The following CREB3L1 variants were observed in gnomAD, a reference collection of about 807,000 sequenced individuals.
CREB3L1 encodes cAMP responsive element binding protein 3 like 1, also known as cyclic AMP-responsive element-binding protein 3-like protein 1.
In CREB3L1, 33 loss-of-function variants were observed where a neutral mutation model predicts 54.5. That is an observed-to-expected ratio of 0.61 (90% confidence interval 0.46 to 0.81). CREB3L1 has a LOEUF of 0.81. CREB3L1 is among the 30% of genes least tolerant of loss of function. The pLI, the probability that CREB3L1 is intolerant of heterozygous loss-of-function variation, is 0.00. For missense variants in CREB3L1, 656 were observed against 673.3 expected, an observed-to-expected ratio of 0.97 and a Z score of 0.29; for synonymous variants, 284 against 286.4, an observed-to-expected ratio of 0.99 and a Z score of 0.08.
chr11:46,299,684 C>G lies in CREB3L1; in HGVS notation c.103-251C>G, dbSNP rs11038856. 0.58 allele frequency among the ~76,000 whole-genome samples: 87,603 copies of G among 151,982 alleles called. 28,373 individuals carry two copies. The highest frequency in any genetic ancestry group is 0.89 in the African/African-American group (36,826 of 41,502). On this transcript the variant is annotated intron_variant, in intron 1 of 11. Coordinates refer to ENST00000621158, the MANE Select transcript of CREB3L1 (RefSeq NM_052854.4). The stretch of plus-strand genomic sequence containing the variant: ...CACCCTTGCAGATAACAATGGTGAG[C>G]GTGGAGCTGGTGGTAGAGAGAATGG...
At chr11:46,313,214 G>C (rs568480629) in intron 8 of CREB3L1, among the ~76,000 whole-genome samples, 5 of 152,060 alleles carry the variant, frequency 3.3e-5, no homozygotes, top group African/African-American at 4.8e-5. Flanking sequence ...GCTTATTCTC[G>C]GGCCCCATGC....
intron 1 of CREB3L1, among the ~76,000 whole-genome samples, chr11:46,279,340 G>T (rs1938933081): frequency 6.6e-6 from 1 of 152,090 alleles, no homozygotes; most frequent in South Asian, 2.1e-4. Flanking sequence ...TGATGGTGAG[G>T]AACCAGGCCA....
chr11:46,295,646 C>T lies in CREB3L1; in HGVS notation c.103-4289C>T, dbSNP rs1232747671. ...CCGGTGCCCTCCACGCCGCCACCGG[C>T]TGCTGCTCGCAGCCTCCCGCCATTG... On this transcript the variant is annotated intron_variant, in intron 1 of 11. Coordinates refer to ENST00000621158, the MANE Select transcript of CREB3L1 (RefSeq NM_052854.4). The surrounding 1 kb of genome is among the most constrained non-coding windows in gnomAD (Gnocchi z 4.6). 6.6e-6 allele frequency among the ~76,000 whole-genome samples: 1 copy of T among 152,236 alleles called. No homozygotes were observed. The highest frequency in any genetic ancestry group is 1.5e-5 in the Non-Finnish European group (1 of 68,024).
Position 46,277,691 on chromosome 11 carries a change from G to A in CREB3L1, c.-421G>A. The A allele has an allele frequency of 5.0e-6, 1 of 201,672 alleles. No individual in the cohort carries two copies. Among genetic ancestry groups the A allele is most frequent in the Middle Eastern group, 1.7e-3 (1 of 600 alleles). 12.5% of individuals were successfully genotyped at this position (201,672 alleles called of 1,614,324 possible). On this transcript the variant is annotated 5_prime_UTR_variant, in exon 1 of 12. Coordinates refer to ENST00000621158, the MANE Select transcript of CREB3L1 (RefSeq NM_052854.4). ...AGGAAAGTGACAGAAGACGTGCGGA[G>A]GGAGACGCAGAGACAGAGGAGAGGC... is the stretch of plus-strand genomic sequence containing the variant.
At chr11:46,298,095 G>A (rs941658226) in intron 1 of CREB3L1, among the ~76,000 whole-genome samples, 16 of 152,150 alleles carry the variant, frequency 1.1e-4, no homozygotes, top group South Asian at 2.1e-4. Flanking sequence ...GTGGAGCTAG[G>A]AGTCAAAAGC....
chr11:46,316,304 G>A lies in CREB3L1; in HGVS notation c.1050G>A (p.Leu350=), dbSNP rs1404927472. 1 of 1,568,716 alleles carries A rather than the reference G, an allele frequency of 6.4e-7. No homozygotes were observed. Among genetic ancestry groups the A allele is most frequent in the East Asian group, 2.4e-5 (1 of 41,996 alleles). Residue 350 remains leucine, a synonymous_variant, in exon 9 of 12, where the codon CTG becomes CTA. Transcript: ENST00000621158. ...TCCTCAGGACCCTGCTCCAGCAGCTGCAGAAACTCCAGACTCTGGTCACCA... is the reference window on the plus strand; with the variant it reads ...TCCTCAGGACCCTGCTCCAGCAGCTACAGAAACTCCAGACTCTGGTCACCA... ...ENANRTLLQQ[L]QKLQTLVTNK...
At chr11:46,310,935 G>A (rs1939475185) in intron 4 of CREB3L1, 97 bp from the exon 5 acceptor site, 2 of 1,451,854 alleles carry the variant, frequency 1.4e-6, no homozygotes, top group South Asian at 1.5e-5. Context: ...GTCCCACAAT[G>A]TCAGGGCTGG....
chr11:46,285,403 A>T (rs1939041314), intron 1 of CREB3L1, among the ~76,000 whole-genome samples: 1 of 152,144 alleles, frequency 6.6e-6, no homozygotes, highest in Non-Finnish European at 1.5e-5. Context: ...GGGAAGCCAG[A>T]CTGAATGGCA....
rs550341266 is a variant in CREB3L1, at chr11:46,320,501, C to A, written c.1496C>A (p.Ser499Tyr). The part of the protein sequence containing the change: ...DGGNGTSPDF[S>Y]HSKEWFHDRD... The stretch of plus-strand genomic sequence containing the variant: ...GGAAACGGCACCAGCCCCGACTTCT[C>A]CCACTCCAAGGAGTGGTTCCACGAC... The change falls in exon 11 of 12, where the codon TCC (serine) becomes TAC (tyrosine). Residue 499 changes from serine to tyrosine, a missense_variant. Ser to Tyr is a moderately radical substitution (Grantham distance 144). Transcript: ENST00000621158. The A allele has an allele frequency of 2.4e-5, 38 of 1,575,440 alleles. No homozygotes were observed. In the South Asian group the frequency reaches 3.6e-4, roughly 15 times the overall value.
At chr11:46,292,150 C>T (rs1939139579) in intron 1 of CREB3L1, among the ~76,000 whole-genome samples, 2 of 152,160 alleles carry the variant, frequency 1.3e-5, no homozygotes, top group African/African-American at 4.8e-5. Flanking sequence ...TCTGCTGGGG[C>T]TTAAGAACAG....
intron 3 of CREB3L1, among the ~76,000 whole-genome samples, chr11:46,308,789 C>T (rs1362466728): frequency 6.6e-6 from 1 of 152,246 alleles, no homozygotes; most frequent in Non-Finnish European, 1.5e-5. Flanking sequence ...AGGTCAGCCC[C>T]TCCCTGCCCC....
intron 1 of CREB3L1, among the ~76,000 whole-genome samples, chr11:46,296,337 C>T (rs1416764222): frequency 6.6e-6 from 1 of 152,046 alleles, no homozygotes. Flanking sequence ...ACCAGAAGGT[C>T]CCGCACACGC....
chr11:46,286,819 A>G (rs1939061598), intron 1 of CREB3L1, among the ~76,000 whole-genome samples: 1 of 152,122 alleles, frequency 6.6e-6, no homozygotes, highest in Non-Finnish European at 1.5e-5. Context: ...GAAAAAAGAA[A>G]AAGAAAGAAA....
intron 8 of CREB3L1, chr11:46,316,083 G>A (rs1239202906): frequency 4.0e-6 from 2 of 503,786 alleles, no homozygotes; most frequent in Non-Finnish European, 7.0e-6. Context: ...TCCACAAGGT[G>A]ACCCAGCCAG....
At chr11:46,289,245 G>A (rs1420305523) in intron 1 of CREB3L1, among the ~76,000 whole-genome samples, 1 of 152,162 alleles carries the variant, frequency 6.6e-6, no homozygotes, top group African/African-American at 2.4e-5. Flanking sequence ...CAGACATGGT[G>A]GTCCATTCCT....
At chr11:46,289,924 C>A (rs573556190) in intron 1 of CREB3L1, among the ~76,000 whole-genome samples, 32 of 152,272 alleles carry the variant, frequency 2.1e-4, no homozygotes, top group African/African-American at 7.0e-4. Context: ...AGGAGGCCTG[C>A]GGTCCATCAG....
chr11:46,303,507 G>A (rs1328205138), intron 2 of CREB3L1, among the ~76,000 whole-genome samples: 1 of 151,480 alleles, frequency 6.6e-6, no homozygotes, highest in Non-Finnish European at 1.5e-5. Context: ...AGTTGGGAGT[G>A]GAGGTGTGTG....
intron 8 of CREB3L1, 40 bp from the exon 9 acceptor site, chr11:46,316,246 G>A (rs920719714): frequency 2.0e-5 from 27 of 1,325,744 alleles, no homozygotes; most frequent in Admixed American, 1.8e-4. Context: ...AGATGCCTGC[G>A]GGGTCAAAGC....
At chr11:46,286,108 G>C (rs1018214254) in intron 1 of CREB3L1, among the ~76,000 whole-genome samples, 1 of 152,212 alleles carries the variant, frequency 6.6e-6, no homozygotes, top group African/African-American at 2.4e-5. Flanking sequence ...TGAGAGCAGG[G>C]TGTGTCAGTC....
Sources: allele counts gnomAD v4.1 joint callset (sites outside exome capture counted in the v4.1 genomes callset), GRCh38; gene constraint gnomAD v4.1.1; non-coding constraint Gnocchi (gnomAD v3.1); transcripts MANE v1.5; gene names NCBI Gene and HGNC (gene_info 2026-07-23, HGNC 2026-07-21).